MGRN1: variants seen among roughly 807,000 people sequenced by gnomAD.
The protein encoded by MGRN1 is mahogunin ring finger 1, also known as E3 ubiquitin-protein ligase MGRN1.
In MGRN1, 29 loss-of-function variants were observed where a neutral mutation model predicts 69.2. That is an observed-to-expected ratio of 0.42 (90% CI 0.31 to 0.57). MGRN1 has a LOEUF of 0.57. Ranked by LOEUF, MGRN1 falls within the 20% of genes least tolerant of loss-of-function variation. The pLI, the probability that MGRN1 is intolerant of heterozygous loss-of-function variation, is 0.15. For synonymous variants in MGRN1, 470 were observed against 344.2 expected (o/e 1.37, Z -4.04); for missense variants, 998 against 796.2 (o/e 1.25, Z -3.05).
rs756084789 is a variant in MGRN1 at position 4,650,390 on chromosome 16, C to T, written c.114C>T (p.Phe38=). 3.7e-6 allele frequency: 6 copies of T among 1,611,988 alleles called. No individual in the cohort carries two copies. Among genetic ancestry groups the T allele is most frequent in the Non-Finnish European group, 5.1e-6 (6 of 1,179,208 alleles). ...KSGNYFASHF[F]MGGEKFDTPH... The stretch of plus-strand genomic sequence containing the variant: ...GAAACTACTTTGCTTCGCACTTTTT[C>T]ATGGGAGGAGAGAAATTCGACACCC... The change falls in exon 2 of 17, where the codon TTC becomes TTT. Residue 38 remains phenylalanine (F), a synonymous_variant. Coordinates refer to ENST00000262370, the MANE Select transcript of MGRN1 (RefSeq NM_015246.4).
At position 4,683,855 on chromosome 16, in the gene MGRN1, C is replaced by T. The variant is rs1269886880; in HGVS notation, c.1541C>T (p.Ala514Val). The T allele has an allele frequency of 4.3e-6, 7 of 1,611,544 alleles. No homozygotes were observed. In the Admixed American group the frequency reaches 6.7e-5, roughly 15 times the overall value. ...SSSPQQGTRA[A>V]SIENVLQDSS... ...CCTCTGCCTGCAGGGACCCGAGCAG[C>T]TTCCATTGAGAATGTCCTGCAGGAC... is the stretch of plus-strand genomic sequence containing the variant. Residue 514 changes from alanine (A) to valine (V), a missense_variant, in exon 16 of 17, where the codon GCT (alanine) becomes GTT (valine). Ala to Val is a moderately conservative substitution (Grantham distance 64, BLOSUM62 0). Transcript: ENST00000262370.
intron 11 of MGRN1, among the ~76,000 whole-genome samples, chr16:4,677,836 CT>C (rs747139466): frequency 0.47 from 52,914 of 111,800 alleles, 11,391 homozygotes; most frequent in East Asian, 0.59. Context: ...GAGCCAGGTG[CT>C]TTTTTTTTTT....
At chr16:4,669,638 T>C (rs2078895430) in intron 8 of MGRN1, among the ~76,000 whole-genome samples, 1 of 152,164 alleles carries the variant, frequency 6.6e-6, no homozygotes. Context: ...AATGGATGGA[T>C]GGAAAAGGAA....
At chr16:4,668,669 C>T in intron 8 of MGRN1, among the ~76,000 whole-genome samples, 1 of 152,096 alleles carries the variant, frequency 6.6e-6, no homozygotes, top group Non-Finnish European at 1.5e-5. Flanking sequence ...CAGTCACACA[C>T]ATATACATAG....
rs189798709 is a variant in MGRN1, at chr16:4,647,056, G to A, written c.89-3309G>A. 1.9e-4 allele frequency among the ~76,000 whole-genome samples: 29 copies of A among 152,354 alleles called. No homozygotes were observed. The East Asian group carries it at 5.2e-3, about 27-fold the overall frequency. On this transcript the variant is annotated intron_variant, in intron 1 of 16. Coordinates refer to ENST00000262370, the MANE Select transcript of MGRN1 (RefSeq NM_015246.4). Reference sequence around the variant, plus strand: ...GCTGATCACTGCTAAGGGTGCCCCCGACGATGGGTCCTGGGCTGGTCAGCA... The same window carrying A: ...GCTGATCACTGCTAAGGGTGCCCCCAACGATGGGTCCTGGGCTGGTCAGCA...
At chr16:4,665,451 C>T (rs993145933) in intron 7 of MGRN1, among the ~76,000 whole-genome samples, 2 of 151,306 alleles carry the variant, frequency 1.3e-5, no homozygotes, top group African/African-American at 4.9e-5. Context: ...TCACTGCAAC[C>T]TCTGCCTCCT....
chr16:4,632,048 C>CT (rs1403324109), intron 1 of MGRN1, among the ~76,000 whole-genome samples: 2 of 105,318 alleles, frequency 1.9e-5, no homozygotes, highest in Non-Finnish European at 3.4e-5. Context: ...GAGTCTTGCT[C>CT]TTGTCACCCA....
chr16:4,668,194 A>C, intron 7 of MGRN1, 71 bp from the exon 8 acceptor site: 1 of 1,379,998 alleles, frequency 7.2e-7, no homozygotes. Flanking sequence ...TGGCCAACCC[A>C]GGCGGCCACG....
At chr16:4,687,391 A>G (rs1460234419) in intron 16 of MGRN1, 8 of 921,120 alleles carry the variant, frequency 8.7e-6, no homozygotes, top group Non-Finnish European at 1.0e-5. Context: ...TGAAAAATAA[A>G]AAATTGGCTT....
At chr16:4,639,943 C>T (rs2078120895) in intron 1 of MGRN1, 2 of 152,394 alleles carry the variant, frequency 1.3e-5, no homozygotes, top group African/African-American at 4.8e-5. Flanking sequence ...CGCTCCGCGG[C>T]TCCGACGGTG....
chr16:4,625,804 C>G (rs116336857), intron 1 of MGRN1, among the ~76,000 whole-genome samples: 108 of 152,330 alleles, frequency 7.1e-4, no homozygotes, highest in African/African-American at 2.4e-3. Context: ...GCATCTAGCT[C>G]CAAGTCTCAC....
intron 7 of MGRN1, among the ~76,000 whole-genome samples, chr16:4,665,768 C>G (rs1479153452): frequency 6.7e-6 from 1 of 150,112 alleles, no homozygotes; most frequent in Admixed American, 6.7e-5. Context: ...CTCCCAGGTT[C>G]AAGCGATTCT....
chr16:4,675,180 C>G (rs985785304), intron 10 of MGRN1, among the ~76,000 whole-genome samples: 4 of 151,410 alleles, frequency 2.6e-5, no homozygotes, highest in South Asian at 2.1e-4. Flanking sequence ...ACATTGTTGC[C>G]CAGTCTGGTC....
intron 1 of MGRN1, chr16:4,633,704 T>C (rs558787542): frequency 1.3e-5 from 2 of 150,434 alleles, no homozygotes; most frequent in Admixed American, 1.3e-4. Context: ...AAAATATATC[T>C]ATCAATAAAA....
At position 4,690,656 on chromosome 16, in the gene MGRN1, A is replaced by G. The variant is rs1017367717; in HGVS notation, c.*1748A>G. 2.0e-5 allele frequency: 3 copies of G among 152,146 alleles called. No homozygotes were observed. Among genetic ancestry groups the G allele is most frequent in the Non-Finnish European group, 4.4e-5 (3 of 68,046 alleles). The allele number at this position is 152,146 out of a possible 1,614,324, so 9.4% of individuals were successfully genotyped here. ...TGCTGTCACGCATACACACACGCACATACTCCTGCACATGTTCCCATGCAT... is the reference window on the plus strand; with the variant it reads ...TGCTGTCACGCATACACACACGCACGTACTCCTGCACATGTTCCCATGCAT... On this transcript the variant is annotated 3_prime_UTR_variant, in exon 17 of 17. Coordinates refer to ENST00000262370, the MANE Select transcript of MGRN1 (RefSeq NM_015246.4).
intron 2 of MGRN1, among the ~76,000 whole-genome samples, chr16:4,651,274 C>T (rs1255193462): frequency 6.6e-6 from 1 of 151,726 alleles, no homozygotes. Flanking sequence ...CTGTTCAGCA[C>T]ACATGTGGCA....
intron 6 of MGRN1, 151 bp downstream of exon 6, chr16:4,664,926 C>T (rs534904324): frequency 2.3e-5 from 29 of 1,242,586 alleles, no homozygotes; most frequent in Middle Eastern, 2.1e-4. Flanking sequence ...CTTGGAGTCC[C>T]GGGCAGGTGA....
At chr16:4,627,396 G>A (rs1897731490) in intron 1 of MGRN1, among the ~76,000 whole-genome samples, 1 of 152,210 alleles carries the variant, frequency 6.6e-6, no homozygotes, top group Non-Finnish European at 1.5e-5. Flanking sequence ...CACTATATCT[G>A]TTTTACTCTT....
At chr16:4,650,337 C>G in intron 1 of MGRN1, 28 bp from the exon 2 acceptor site, 8 of 1,389,620 alleles carry the variant, frequency 5.8e-6, no homozygotes, top group Non-Finnish European at 8.0e-6. Context: ...AAAAAAAAAT[C>G]TATAATCGTG....
Sources: allele counts gnomAD v4.1 joint callset (sites outside exome capture counted in the v4.1 genomes callset), GRCh38; gene constraint gnomAD v4.1.1; transcripts MANE v1.5; gene names NCBI Gene and HGNC (gene_info 2026-07-23, HGNC 2026-07-21).